Variants in IQSEC1 observed in about 807,000 individuals in gnomAD.
The protein encoded by IQSEC1 is IQ motif and Sec7 domain ArfGEF 1, also known as IQ motif and SEC7 domain-containing protein 1.
IQSEC1 carries 31 observed loss-of-function variants against 91.0 expected under a neutral mutation model. The ratio of observed to expected loss-of-function variants is 0.34; its 90% CI spans 0.26 to 0.46. IQSEC1 has a LOEUF of 0.46. Ranked by LOEUF, IQSEC1 falls within the 20% of genes least tolerant of loss-of-function variation. The pLI, the probability that IQSEC1 is intolerant of heterozygous loss-of-function variation, is 1.00. For missense variants in IQSEC1, 1,388 were observed against 1,575.6 expected (o/e 0.88, Z 2.02); for synonymous variants, 699 against 662.6 (o/e 1.05, Z -0.84).
intron 1 of IQSEC1, among the ~76,000 whole-genome samples, chr3:12,971,375 T>C (rs987773950): frequency 6.6e-6 from 1 of 152,208 alleles, no homozygotes; most frequent in African/African-American, 2.4e-5. Context: ...CGCCTGCCCA[T>C]GTGCACATAG....
intron 3 of IQSEC1, among the ~76,000 whole-genome samples, chr3:12,926,140 A>G (rs944895391): frequency 4.6e-5 from 7 of 152,002 alleles, no homozygotes; most frequent in Non-Finnish European, 1.0e-4. Flanking sequence ...GTGAAACCCC[A>G]TCTCTACTAA....
intron 1 of IQSEC1, among the ~76,000 whole-genome samples, chr3:13,268,869 AG>A (rs572798356): frequency 1.1e-4 from 17 of 152,210 alleles, no homozygotes; most frequent in Non-Finnish European, 1.6e-4. Context: ...GGAAGATGCA[AG>A]CCCCCAGGCC....
intron 2 of IQSEC1, among the ~76,000 whole-genome samples, chr3:13,157,116 A>T (rs1248240763): frequency 6.6e-6 from 1 of 152,238 alleles, no homozygotes; most frequent in African/African-American, 2.4e-5. Flanking sequence ...TCAGATGCAC[A>T]CATACACATT....
At chr3:12,901,716 G>A (rs964004960) in intron 13 of IQSEC1, among the ~76,000 whole-genome samples, 194 bp from the exon 14 acceptor site, 2 of 152,002 alleles carry the variant, frequency 1.3e-5, no homozygotes, top group Non-Finnish European at 2.9e-5. Flanking sequence ...GCAGCTGGGG[G>A]TTACTGGCCT....
At chr3:13,232,763 G>A (rs867907796) in intron 1 of IQSEC1, among the ~76,000 whole-genome samples, 3 of 152,194 alleles carry the variant, frequency 2.0e-5, no homozygotes, top group Admixed American at 6.5e-5. Context: ...ACAGCTGAGT[G>A]GATAAACACA....
intron 1 of IQSEC1, among the ~76,000 whole-genome samples, chr3:13,238,055 T>A (rs1450575776): frequency 1.3e-5 from 2 of 152,190 alleles, no homozygotes; most frequent in South Asian, 2.1e-4. Flanking sequence ...CACGTGCAGA[T>A]GGGACAAGCA....
At chr3:13,174,194 AG>A (rs1210733779) in intron 1 of IQSEC1, among the ~76,000 whole-genome samples, 1 of 152,124 alleles carries the variant, frequency 6.6e-6, no homozygotes, top group Non-Finnish European at 1.5e-5. Context: ...GAAGCAGGTG[AG>A]GGGACTGGGG....
rs573824697 is a variant in IQSEC1, at chr3:13,263,046, G to A, written c.272+19665C>T. Among the ~76,000 whole-genome samples, 4 of 152,264 alleles carry A rather than the reference G, an allele frequency of 2.6e-5. 1 individual carries two copies. Among genetic ancestry groups the A allele is most frequent in the South Asian group, 2.1e-4 (1 of 4,816 alleles). On this transcript the variant is annotated intron_variant, in intron 1 of 15. Transcript: ENST00000648114. ...ACAGATCACATGAGGCCAGGAGTTC[G>A]AGACCAGCCTGGTAAACATGGTGAA...
chr3:13,150,818 T>C (rs1303981737), intron 2 of IQSEC1, among the ~76,000 whole-genome samples: 2 of 152,208 alleles, frequency 1.3e-5, no homozygotes, highest in East Asian at 3.9e-4. Context: ...CCAAGACTGC[T>C]GTACTGCGTA....
intron 1 of IQSEC1, among the ~76,000 whole-genome samples, chr3:13,164,451 G>A (rs1475620297): frequency 2.0e-5 from 3 of 152,166 alleles, no homozygotes; most frequent in Non-Finnish European, 2.9e-5. Context: ...GCCAGAGGAG[G>A]GGTCTATGGT....
chr3:13,206,281 C>T (rs1452260798), intron 1 of IQSEC1, among the ~76,000 whole-genome samples: 1 of 150,660 alleles, frequency 6.6e-6, no homozygotes, highest in Admixed American at 6.6e-5. Context: ...CAGGCATCTA[C>T]TAGGGGTTGA....
At chr3:13,050,177 C>A (rs1227543273) in intron 1 of IQSEC1, among the ~76,000 whole-genome samples, 1 of 152,076 alleles carries the variant, frequency 6.6e-6, no homozygotes, top group African/African-American at 2.4e-5. Context: ...AATGGAGACC[C>A]TCCCTCTGTC....
intron 1 of IQSEC1, among the ~76,000 whole-genome samples, chr3:13,026,301 T>C (rs1035188806): frequency 6.6e-6 from 1 of 152,178 alleles, no homozygotes; most frequent in Non-Finnish European, 1.5e-5. Flanking sequence ...AGCCCAGGTG[T>C]CCAGTTCCCT....
At chr3:13,122,608 C>T (rs1706444104) in intron 2 of IQSEC1, among the ~76,000 whole-genome samples, 1 of 152,170 alleles carries the variant, frequency 6.6e-6, no homozygotes, top group Non-Finnish European at 1.5e-5. Context: ...TCACATGCCA[C>T]CAAGTCCTGC....
intron 2 of IQSEC1, among the ~76,000 whole-genome samples, chr3:13,088,617 C>T (rs1360445828): frequency 6.6e-6 from 1 of 152,166 alleles, no homozygotes; most frequent in Non-Finnish European, 1.5e-5. Flanking sequence ...CCATGGCCCT[C>T]TTCTGCTCAG....
intron 1 of IQSEC1, among the ~76,000 whole-genome samples, chr3:13,258,870 A>C (rs969440686): frequency 1.3e-5 from 2 of 152,044 alleles, no homozygotes. Flanking sequence ...GAACCTAGGG[A>C]ACCCCAGGAT....
intron 2 of IQSEC1, among the ~76,000 whole-genome samples, chr3:13,085,828 G>C (rs1353909405): frequency 1.3e-5 from 2 of 152,222 alleles, no homozygotes; most frequent in African/African-American, 4.8e-5. Context: ...CGAGGCTCTC[G>C]AGGCTGCCCA....
intron 2 of IQSEC1, among the ~76,000 whole-genome samples, chr3:13,097,546 G>A (rs1273758757): frequency 1.3e-5 from 2 of 152,142 alleles, no homozygotes; most frequent in Non-Finnish European, 2.9e-5. Flanking sequence ...TCTGTGAACC[G>A]GGGCTGGGCC....
At chr3:13,021,990 C>T (rs1196407711) in intron 1 of IQSEC1, 1 of 1,198,928 alleles carries the variant, frequency 8.3e-7, no homozygotes. Context: ...TCCGGCCCAA[C>T]AGTCGACAGC....
Sources: gnomAD v4.1 joint callset for allele counts (sites outside exome capture counted in the v4.1 genomes callset) on GRCh38, gnomAD v4.1.1 for gene constraint, MANE v1.5 for transcripts, NCBI Gene and HGNC (gene_info 2026-07-23, HGNC 2026-07-21) for gene names.